XPO5: variants seen among roughly 807,000 people sequenced by gnomAD.
The protein encoded by XPO5 is exportin-5.
Under a neutral mutation model 160.6 loss-of-function variants are expected in XPO5, and 46 were observed. That is an observed-to-expected ratio of 0.29 (90% CI 0.23 to 0.37). XPO5 has a LOEUF of 0.37. XPO5 is among the 10% of genes least tolerant of loss of function. The probability of loss-of-function intolerance (pLI) is 1.00; values close to 1 mark genes in which losing one functional copy is unlikely to be tolerated. For missense variants in XPO5, 1,090 were observed against 1,463.9 expected (o/e 0.74, Z 4.17); for synonymous variants, 537 against 519.3 (o/e 1.03, Z -0.46).
At chr6:43,551,479 G>A (rs997038931) in intron 14 of XPO5, 26 bp from the exon 15 acceptor site, 2 of 1,604,250 alleles carry the variant, frequency 1.2e-6, no homozygotes, top group Non-Finnish European at 1.7e-6. Context: ...AAAACAGGTT[G>A]ACAATGGCTG....
Position 43,558,553 on chromosome 6 carries a change from T to C in XPO5, c.1260A>G (p.Glu420=), listed in dbSNP as rs1348785804. Residue 420 remains glutamate (E), a synonymous_variant, in exon 12 of 32, where the codon GAA becomes GAG. Coordinates refer to ENST00000265351, the MANE Select transcript of XPO5 (RefSeq NM_020750.3). ...CGCTATCAAAATCAAACCGAGAATA[T>C]TCACAGCTAGGGCTGTCTGTTTTAG... ...FPSKTDSPSC[E]YSRFDFDSDE... 1 of 1,603,736 alleles carries C rather than the reference T, an allele frequency of 6.2e-7. No homozygotes were observed. The highest frequency in any genetic ancestry group is 1.3e-5 in the African/African-American group (1 of 74,940).
intron 22 of XPO5, among the ~76,000 whole-genome samples, chr6:43,531,121 C>G (rs1793947939): frequency 6.6e-6 from 1 of 152,204 alleles, no homozygotes; most frequent in South Asian, 2.1e-4. Flanking sequence ...GTTACCTCCC[C>G]AACCCACAAC....
intron 8 of XPO5, among the ~76,000 whole-genome samples, chr6:43,563,909 C>T (rs1762547340): frequency 6.6e-6 from 1 of 152,048 alleles, no homozygotes; most frequent in Non-Finnish European, 1.5e-5. Context: ...ATTCTGTACC[C>T]TTAGGCTAAA....
Position 43,575,965 on chromosome 6 carries a change from G to A in XPO5, c.-101C>T. On this transcript the variant is annotated 5_prime_UTR_variant, in exon 1 of 32. Coordinates refer to ENST00000265351, the MANE Select transcript of XPO5 (RefSeq NM_020750.3). The stretch of plus-strand genomic sequence containing the variant: ...CCACCCGTTGGTACCGGGCCGCGGC[G>A]GGCGGCGGGGGTGGGAAGCTGGAGG... 4 of 1,187,248 alleles carry A rather than the reference G, an allele frequency of 3.4e-6. No individual in the cohort carries two copies. Among genetic ancestry groups the A allele is most frequent in the Non-Finnish European group, 4.8e-6 (4 of 831,596 alleles). The allele number at this position is 1,187,248 out of a possible 1,614,324, so 73.5% of individuals were successfully genotyped here. A position where few individuals can be genotyped will look rare whatever the true frequency, so the allele number is the denominator to read the frequency against.
chr6:43,571,139 A>T (rs1762987179), intron 3 of XPO5, 145 bp from the exon 4 acceptor site: 3 of 839,762 alleles, frequency 3.6e-6, no homozygotes, highest in Non-Finnish European at 5.5e-6. Context: ...CTTCAGCCTG[A>T]GTCACTTGTC....
intron 21 of XPO5, 34 bp from the exon 22 acceptor site, chr6:43,531,609 C>CA: frequency 6.4e-7 from 1 of 1,572,838 alleles, no homozygotes. Flanking sequence ...ACATGATGCT[C>CA]CACTGTCAGG....
intron 25 of XPO5, among the ~76,000 whole-genome samples, 192 bp downstream of exon 25, chr6:43,527,967 T>C (rs976476678): frequency 3.3e-5 from 5 of 152,232 alleles, no homozygotes; most frequent in Non-Finnish European, 5.9e-5. Flanking sequence ...GTAGCCCCTA[T>C]GAAGGCTGGA....
intron 18 of XPO5, 75 bp from the exon 19 acceptor site, chr6:43,547,782 G>A: frequency 7.5e-7 from 1 of 1,339,896 alleles, no homozygotes; most frequent in Non-Finnish European, 1.1e-6. Flanking sequence ...GGAGTTAACA[G>A]GCTATCATTA....
chr6:43,551,775 A>G (rs1364734598), intron 14 of XPO5, among the ~76,000 whole-genome samples: 1 of 151,702 alleles, frequency 6.6e-6, no homozygotes, highest in Admixed American at 6.6e-5. Flanking sequence ...AAGTGATCCT[A>G]CGGCCTCAGC....
At chr6:43,553,528 C>CAT in intron 13 of XPO5, 25 bp from the exon 14 acceptor site, 1 of 695,740 alleles carries the variant, frequency 1.4e-6, no homozygotes, top group South Asian at 2.5e-5. Flanking sequence ...CACACACATA[C>CAT]ACACACACAC....
In XPO5 at chr6:43,553,520, CACACAT is replaced by C; in HGVS notation, c.1442-23_1442-18del. On this transcript the variant is annotated intron_variant, in intron 13 of 31. Coordinates refer to ENST00000265351, the MANE Select transcript of XPO5 (RefSeq NM_020750.3). The stretch of plus-strand genomic sequence containing the variant: ...CAGAACAAGCTTTAAAACACACACA[CACACAT>C]ACACACACACACACACACACACAAT... 2.6e-6 allele frequency: 4 copies of C among 1,542,812 alleles called. No homozygotes were observed. The highest frequency in any genetic ancestry group is 2.0e-5 in the Admixed American group (1 of 50,758).
chr6:43,555,598 A>G, intron 13 of XPO5: 1 of 329,038 alleles, frequency 3.0e-6, no homozygotes, highest in East Asian at 5.2e-5. Flanking sequence ...AGAAATGGAA[A>G]ATGATGGCAA....
intron 7 of XPO5, among the ~76,000 whole-genome samples, chr6:43,566,108 T>C (rs1451956774): frequency 6.6e-6 from 1 of 151,482 alleles, no homozygotes; most frequent in African/African-American, 2.4e-5. Context: ...AATACAAAAA[T>C]TAGGCCAGGT....
chr6:43,546,882 C>T (rs1011455093), intron 19 of XPO5, 130 bp from the exon 20 acceptor site: 1 of 883,640 alleles, frequency 1.1e-6, no homozygotes, highest in Non-Finnish European at 1.7e-6. Context: ...ATCCTCTGCT[C>T]CCCGGCAATC....
Position 43,551,428 on chromosome 6 carries a change from T to G in XPO5, c.1598A>C (p.Glu533Ala). 1 of 1,613,694 alleles carries G rather than the reference T, an allele frequency of 6.2e-7. No homozygotes were observed. Among genetic ancestry groups the G allele is most frequent in the South Asian group, 1.1e-5 (1 of 90,992 alleles). The change falls in exon 15 of 32, where the codon GAG becomes GCG. Residue 533 changes from glutamate (E) to alanine (A), a missense_variant. This residue lies in a region of XPO5 where 810 missense variants were observed against 1,139.0 expected (regional missense o/e 0.71). Transcript: ENST00000265351. ...AAAGTTCAGAACCATCTGCAATAGC[T>G]CTATTCCATCATTAACAGGAATTTC... ...REEIPVNDGI[E>A]LLQMVLNFDT...
intron 22 of XPO5, 29 bp downstream of exon 22, chr6:43,531,450 A>T: frequency 6.3e-7 from 1 of 1,590,816 alleles, no homozygotes; most frequent in Non-Finnish European, 8.6e-7. Flanking sequence ...CGAGGAAGAA[A>T]ATATGGAGAG....
At chr6:43,548,582 T>A in intron 17 of XPO5, 122 bp from the exon 18 acceptor site, 1 of 833,730 alleles carries the variant, frequency 1.2e-6, no homozygotes, top group Non-Finnish European at 1.7e-6. Flanking sequence ...CCTATAAGGT[T>A]ATTATTTGGT....
intron 10 of XPO5, 87 bp from the exon 11 acceptor site, chr6:43,560,390 T>C: frequency 2.1e-6 from 3 of 1,439,192 alleles, no homozygotes; most frequent in Non-Finnish European, 2.8e-6. Context: ...CTACATTTTT[T>C]CATAGAAATA....
At chr6:43,558,375 A>G (rs2127741848) in intron 12 of XPO5, 126 bp downstream of exon 12, 3 of 809,840 alleles carry the variant, frequency 3.7e-6, no homozygotes, top group Non-Finnish European at 5.7e-6. Context: ...ACTAGGGCCT[A>G]ATAAGTAGGC....
Sources: allele counts gnomAD v4.1 joint callset (sites outside exome capture counted in the v4.1 genomes callset), GRCh38; gene constraint gnomAD v4.1.1; regional missense constraint gnomAD v4.1.1; transcripts MANE v1.5; gene names NCBI Gene and HGNC (gene_info 2026-07-23, HGNC 2026-07-21).